The following MCOLN3 variants were observed in gnomAD, a reference collection of about 807,000 sequenced individuals.
The protein encoded by MCOLN3 is mucolipin TRP cation channel 3.
Under a neutral mutation model 69.4 loss-of-function variants are expected in MCOLN3, and 62 were observed. The observed-to-expected ratio is 0.89, with a 90% CI of 0.73 to 1.10. The LOEUF is 1.10. Among genes scored for constraint, MCOLN3 ranks in the 50% least tolerant of loss-of-function variants. MCOLN3 has a pLI of 0.00. For missense variants in MCOLN3, 564 were observed against 656.4 expected, an observed-to-expected ratio of 0.86 and a Z score of 1.54; for synonymous variants, 183 against 217.0, an observed-to-expected ratio of 0.84 and a Z score of 1.38.
chr1:85,046,317 G>A (rs1653351732), intron 1 of MCOLN3, among the ~76,000 whole-genome samples: 1 of 136,372 alleles, frequency 7.3e-6, no homozygotes, highest in South Asian at 2.4e-4. Flanking sequence ...GGGGGGGGGG[G>A]CAGGTACGTT....
intron 2 of MCOLN3, among the ~76,000 whole-genome samples, chr1:85,044,550 C>T (rs1399277696): frequency 6.6e-6 from 1 of 152,090 alleles, no homozygotes; most frequent in Non-Finnish European, 1.5e-5. Context: ...TTCCCCCTTT[C>T]CCCCAAAAAA....
At chr1:85,034,856 T>A (rs1328467446) in intron 3 of MCOLN3, among the ~76,000 whole-genome samples, 1 of 152,258 alleles carries the variant, frequency 6.6e-6, no homozygotes, top group Non-Finnish European at 1.5e-5. Flanking sequence ...TTAATGGATG[T>A]CTGCAGACAT....
chr1:85,045,894 G>A (rs1557696050), intron 1 of MCOLN3, among the ~76,000 whole-genome samples: 2 of 152,130 alleles, frequency 1.3e-5, no homozygotes, highest in Non-Finnish European at 2.9e-5. Context: ...TCTAATCCTG[G>A]TTCCATGACT....
rs1208638050 is a variant in MCOLN3 at position 85,018,433 on chromosome 1, A to G, written c.*690T>C. The G allele has an allele frequency of 1.3e-5, 2 of 152,268 alleles. No individual in the cohort carries two copies. Among genetic ancestry groups the G allele is most frequent in the African/African-American group, 4.8e-5 (2 of 41,468 alleles). The allele number at this position is 152,268 out of a possible 1,614,324, so 9.4% of individuals were successfully genotyped here. On this transcript the variant is annotated 3_prime_UTR_variant, in exon 13 of 13. Transcript: ENST00000370589. ...TACAGATTTGTACCCCAGGACCAAC[A>G]GGCTATACCAAATAGCCTAGGTGTG...
intron 1 of MCOLN3, among the ~76,000 whole-genome samples, chr1:85,046,033 G>C (rs1653330295): frequency 6.6e-6 from 1 of 152,090 alleles, no homozygotes; most frequent in South Asian, 2.1e-4. Flanking sequence ...TGAGTGTAGA[G>C]AGCATTAAAT....
At position 85,029,086 on chromosome 1, in the gene MCOLN3, T is replaced by C; in HGVS notation, c.832+20A>G. On this transcript the variant is annotated intron_variant, in intron 7 of 12. Transcript: ENST00000370589. The stretch of plus-strand genomic sequence containing the variant: ...ATTATTTAATAACCATTCTGAAAAC[T>C]AGTAATGCGCATCACTTACTTGATC... The C allele has an allele frequency of 7.1e-7, 1 of 1,411,912 alleles. No homozygotes were observed. The highest frequency in any genetic ancestry group is 1.4e-5 in the African/African-American group (1 of 70,816). The allele number at this position is 1,411,912 out of a possible 1,614,324, so 87.5% of individuals were successfully genotyped here.
At chr1:85,035,913 CTT>C (rs111497296) in intron 3 of MCOLN3, among the ~76,000 whole-genome samples, 176 of 152,342 alleles carry the variant, frequency 1.2e-3, no homozygotes, top group African/African-American at 4.0e-3. Flanking sequence ...CTGGAAGGTT[CTT>C]CCTTGAGATA....
intron 2 of MCOLN3, among the ~76,000 whole-genome samples, 187 bp downstream of exon 2, chr1:85,044,946 A>C (rs1653264231): frequency 6.6e-6 from 1 of 152,222 alleles, no homozygotes; most frequent in Non-Finnish European, 1.5e-5. Flanking sequence ...AAAAAAACTA[A>C]GAAAAAAGAA....
At chr1:85,038,430 C>T (rs1652906064) in intron 3 of MCOLN3, among the ~76,000 whole-genome samples, 1 of 152,146 alleles carries the variant, frequency 6.6e-6, no homozygotes, top group African/African-American at 2.4e-5. Flanking sequence ...AAAATAAGGT[C>T]TCTCACATTC....
At chr1:85,042,947 A>C (rs1557694197) in intron 2 of MCOLN3, among the ~76,000 whole-genome samples, 1 of 152,208 alleles carries the variant, frequency 6.6e-6, no homozygotes, top group Non-Finnish European at 1.5e-5. Flanking sequence ...GTTCCTTTTA[A>C]AAACTTACCT....
At chr1:85,041,971 TGCACACACA>T (rs1274258314) in intron 2 of MCOLN3, among the ~76,000 whole-genome samples, 1 of 147,322 alleles carries the variant, frequency 6.8e-6, no homozygotes, top group Non-Finnish European at 1.5e-5. Context: ...CACACACAAA[TGCACACACA>T]GCACACACAG....
chr1:85,041,944 CCT>C (rs150967896), intron 2 of MCOLN3, among the ~76,000 whole-genome samples: 15 of 145,130 alleles, frequency 1.0e-4, no homozygotes, highest in South Asian at 9.0e-4. Context: ...CTCATCCAAA[CCT>C]CTCTCTCTCT....
intron 2 of MCOLN3, among the ~76,000 whole-genome samples, chr1:85,043,606 C>A (rs1294304352): frequency 6.6e-6 from 1 of 151,716 alleles, no homozygotes; most frequent in Non-Finnish European, 1.5e-5. Flanking sequence ...TCAAGTGGTA[C>A]CTATTATTAT....
chr1:85,032,853 T>C lies in MCOLN3; in HGVS notation c.635+19A>G. 6.2e-7 allele frequency: 1 copy of C among 1,614,082 alleles called. No individual in the cohort carries two copies. The highest frequency in any genetic ancestry group is 8.5e-7 in the Non-Finnish European group (1 of 1,179,912). On this transcript the variant is annotated intron_variant, in intron 5 of 12. Transcript: ENST00000370589. Reference sequence around the variant, plus strand: ...ATATACGTGCAAACGTAAGTTACACTCCTGTCTGCTCCCCTCACCTGTGGA... The same window carrying C: ...ATATACGTGCAAACGTAAGTTACACCCCTGTCTGCTCCCCTCACCTGTGGA...
intron 6 of MCOLN3, among the ~76,000 whole-genome samples, chr1:85,031,545 A>G (rs1557686888): frequency 6.6e-6 from 1 of 152,138 alleles, no homozygotes; most frequent in Non-Finnish European, 1.5e-5. Flanking sequence ...AAAGATGCTA[A>G]TAAGAACTTT....
Position 85,044,990 on chromosome 1 carries a change from G to A in MCOLN3, c.228+143C>T, listed in dbSNP as rs78401666. ...CTTTCACAAATGTTGAAGACAGAAG[G>A]GTCTAAGATTGTATGTTTTCTTATC... is the stretch of plus-strand genomic sequence containing the variant. On this transcript the variant is annotated intron_variant, in intron 2 of 12. Coordinates refer to ENST00000370589, the MANE Select transcript of MCOLN3 (RefSeq NM_018298.11). 4.3e-4 allele frequency: 250 copies of A among 584,712 alleles called. 3 individuals are homozygous for A. In the East Asian group the frequency reaches 7.0e-3, roughly 16 times the overall value. The allele number at this position is 584,712 out of a possible 1,614,324, so 36.2% of individuals were successfully genotyped here. A position where few individuals can be genotyped will look rare whatever the true frequency, so the allele number is the denominator to read the frequency against.
At chr1:85,021,880 G>A (rs1651956804) in intron 11 of MCOLN3, among the ~76,000 whole-genome samples, 190 bp downstream of exon 11, 1 of 152,140 alleles carries the variant, frequency 6.6e-6, no homozygotes, top group African/African-American at 2.4e-5. Flanking sequence ...ATGTGAGACA[G>A]TTGAGTACAT....
At chr1:85,048,236 C>G (rs1653490590) in intron 1 of MCOLN3, among the ~76,000 whole-genome samples, 160 bp downstream of exon 1, 1 of 152,004 alleles carries the variant, frequency 6.6e-6, no homozygotes, top group Non-Finnish European at 1.5e-5. Context: ...TCGCGCCCAG[C>G]TCCAGCCCGC....
At chr1:85,047,980 T>C (rs1653460634) in intron 1 of MCOLN3, among the ~76,000 whole-genome samples, 1 of 152,164 alleles carries the variant, frequency 6.6e-6, no homozygotes, top group Non-Finnish European at 1.5e-5. Flanking sequence ...ACAGTCCGCC[T>C]TGAAAGGGGC....
Sources: gnomAD v4.1 joint callset for allele counts (sites outside exome capture counted in the v4.1 genomes callset) on GRCh38, gnomAD v4.1.1 for gene constraint, MANE v1.5 for transcripts, NCBI Gene and HGNC (gene_info 2026-07-23, HGNC 2026-07-21) for gene names.